PARP4: variants seen among roughly 807,000 people sequenced by gnomAD.
The protein encoded by PARP4 is poly(ADP-ribose) polymerase family member 4.
Under a neutral mutation model 187.7 loss-of-function variants are expected in PARP4, and 120 were observed. The observed-to-expected ratio is 0.64, with a 90% confidence interval of 0.55 to 0.74. The LOEUF (loss-of-function observed/expected upper bound fraction) is 0.74. PARP4 is among the 30% of genes least tolerant of loss of function. The pLI, the probability that PARP4 is intolerant of heterozygous loss-of-function variation, is 0.00. For missense variants in PARP4, 1,836 were observed against 2,070.5 expected (o/e 0.89, Z 2.20); for synonymous variants, 654 against 740.9 (o/e 0.88, Z 1.90).
chr13:24,512,483 G>C (rs1870068817), intron 1 of PARP4, among the ~76,000 whole-genome samples: 1 of 152,192 alleles, frequency 6.6e-6, no homozygotes, highest in Non-Finnish European at 1.5e-5. Context: ...CTCGTCACCA[G>C]GGCTGCGCCG....
At chr13:24,478,969 G>A (rs1157923724) in intron 12 of PARP4, among the ~76,000 whole-genome samples, 2 of 152,162 alleles carry the variant, frequency 1.3e-5, no homozygotes, top group African/African-American at 2.4e-5. Context: ...AGCTCAGAAA[G>A]GAATAAGAAC....
In PARP4 at chr13:24,498,149, T is replaced by C; in HGVS notation, c.558A>G (p.Ile186Met). 6.2e-7 allele frequency: 1 copy of C among 1,613,808 alleles called. No individual in the cohort carries two copies. The change falls in exon 6 of 34, where the codon ATA becomes ATG. Residue 186 changes from isoleucine (I) to methionine (M), a missense_variant. By Grantham distance (10) the Ile-to-Met change is conservative (BLOSUM62 1). Coordinates refer to ENST00000381989, the MANE Select transcript of PARP4 (RefSeq NM_006437.4). ...SRDSRDCPFL[I>M]SSHFLLDDGM... ...CATCATCCAGGAGGAAGTGTGAGGA[T>C]ATCAGGAAAGGACAGTCCCTGGAGT... is the stretch of plus-strand genomic sequence containing the variant.
chr13:24,473,524 A>AACCT (rs1184284558), intron 15 of PARP4, among the ~76,000 whole-genome samples: 1 of 152,240 alleles, frequency 6.6e-6, no homozygotes, highest in African/African-American at 2.4e-5. Flanking sequence ...GGTATAGAGA[A>AACCT]GGAAGCAGTT....
chr13:24,475,179 T>G (rs1007940668), intron 15 of PARP4, among the ~76,000 whole-genome samples: 1 of 152,104 alleles, frequency 6.6e-6, no homozygotes, highest in African/African-American at 2.4e-5. Context: ...CTTTCCTTTT[T>G]CTCTTTAGCA....
chr13:24,446,093 C>G (rs1412969385), intron 27 of PARP4, among the ~76,000 whole-genome samples: 1 of 152,220 alleles, frequency 6.6e-6, no homozygotes, highest in Non-Finnish European at 1.5e-5. Flanking sequence ...ATGATCTACT[C>G]TTAGTCCAGT....
intron 25 of PARP4, among the ~76,000 whole-genome samples, chr13:24,449,457 A>G (rs1173466428): frequency 6.6e-6 from 1 of 151,722 alleles, no homozygotes; most frequent in Non-Finnish European, 1.5e-5. Flanking sequence ...TCAGCAAAAC[A>G]TATTTAATAA....
chr13:24,463,825 G>C (rs1002469116), intron 17 of PARP4, among the ~76,000 whole-genome samples: 1 of 152,090 alleles, frequency 6.6e-6, no homozygotes, highest in Non-Finnish European at 1.5e-5. Flanking sequence ...AGAAATAAAG[G>C]TTATTTGAAT....
rs981226610 is a variant in PARP4, at chr13:24,492,666, T to C, written c.880-72A>G. Reference sequence around the variant, plus strand: ...AAATTAAGGAGCATGCACAAAACTATATAAATAATTGTTAGACATGTCAAG... The same window carrying C: ...AAATTAAGGAGCATGCACAAAACTACATAAATAATTGTTAGACATGTCAAG... On this transcript the variant is annotated intron_variant, in intron 8 of 33. Coordinates refer to ENST00000381989, the MANE Select transcript of PARP4 (RefSeq NM_006437.4). 6.5e-6 allele frequency: 8 copies of C among 1,229,138 alleles called. No homozygotes were observed. In the African/African-American group the frequency reaches 9.1e-5, roughly 14 times the overall value. 76.1% of individuals were successfully genotyped at this position (1,229,138 alleles called of 1,614,324 possible). A position where few individuals can be genotyped will look rare whatever the true frequency, so the allele number is the denominator to read the frequency against.
rs1006402358 is a variant in PARP4, at chr13:24,434,781, A to G, written c.4360T>C (p.Tyr1454His). ...DPDPIRGFGS[Y>H]HPSASSPFHF... Reference sequence around the variant, plus strand: ...AAAGGAGAGGAAGCAGAGGGATGATAAGACCCAAAACCTCTGATGGGATCA... The same window carrying G: ...AAAGGAGAGGAAGCAGAGGGATGATGAGACCCAAAACCTCTGATGGGATCA... The change falls in exon 31 of 34, where the codon TAT becomes CAT. Residue 1454 changes from tyrosine (Y) to histidine (H), a missense_variant. By Grantham distance (83) the Tyr-to-His change is moderately conservative. Around this residue, in one of 8 missense-constraint regions of PARP4, gnomAD observed 450 missense variants for 439.2 expected, o/e 1.02. Transcript: ENST00000381989. The G allele has an allele frequency of 1.1e-5, 17 of 1,612,316 alleles. No individual in the cohort carries two copies. The African/African-American group carries it at 2.0e-4, about 19-fold the overall frequency.
At chr13:24,446,383 A>G (rs1182122948) in intron 27 of PARP4, among the ~76,000 whole-genome samples, 2 of 152,350 alleles carry the variant, frequency 1.3e-5, no homozygotes, top group East Asian at 1.9e-4. Context: ...GGAAAACAAC[A>G]AAGTACAGAC....
chr13:24,488,396 C>T (rs879620376), intron 10 of PARP4, among the ~76,000 whole-genome samples: 2 of 152,284 alleles, frequency 1.3e-5, no homozygotes, highest in East Asian at 1.9e-4. Context: ...TTCTGTCTCC[C>T]AGGCTGGAGT....
At chr13:24,478,010 T>G in intron 13 of PARP4, 83 bp downstream of exon 13, 1 of 1,146,002 alleles carries the variant, frequency 8.7e-7, no homozygotes, top group East Asian at 2.5e-5. Flanking sequence ...CTTAAGCATA[T>G]TTAATGAAAA....
At chr13:24,439,519 C>T (rs1338126771) in intron 30 of PARP4, among the ~76,000 whole-genome samples, 1 of 151,832 alleles carries the variant, frequency 6.6e-6, no homozygotes, top group African/African-American at 2.4e-5. Flanking sequence ...AGTGTAGGGG[C>T]GTATCTCTTA....
chr13:24,421,700 C>T lies in PARP4; in HGVS notation c.4980-386G>A, dbSNP rs569562378. 4.6e-5 allele frequency among the ~76,000 whole-genome samples: 7 copies of T among 152,414 alleles called. No homozygotes were observed. The East Asian group carries it at 1.3e-3, about 29-fold the overall frequency. On this transcript the variant is annotated intron_variant, in intron 33 of 33. Coordinates refer to ENST00000381989, the MANE Select transcript of PARP4 (RefSeq NM_006437.4). Reference sequence around the variant, plus strand: ...ACAAATGAGGCTTCTGTTTCTCTCTCCTTCCCACTGTACTGACTTGATTAG... The same window carrying T: ...ACAAATGAGGCTTCTGTTTCTCTCTTCTTCCCACTGTACTGACTTGATTAG...
chr13:24,421,417 A>C, intron 33 of PARP4, 103 bp from the exon 34 acceptor site: 1 of 616,540 alleles, frequency 1.6e-6, no homozygotes, highest in Non-Finnish European at 2.8e-6. Flanking sequence ...TCTGCCAAAA[A>C]TTAAGATATT....
chr13:24,494,740 T>C lies in PARP4; in HGVS notation c.592-18A>G, dbSNP rs374528879. 3.8e-5 allele frequency: 59 copies of C among 1,565,074 alleles called. No individual in the cohort carries two copies. The highest frequency in any genetic ancestry group is 4.5e-5 in the Non-Finnish European group (52 of 1,147,624). On this transcript the variant is annotated intron_variant, in intron 6 of 33. Transcript: ENST00000381989. Reference sequence around the variant, plus strand: ...CTTCTAGTCTGTGAATTATGGTGTATAGCAAAAGTACAGTCATTATTTACA... The same window carrying C: ...CTTCTAGTCTGTGAATTATGGTGTACAGCAAAAGTACAGTCATTATTTACA...
intron 33 of PARP4, among the ~76,000 whole-genome samples, chr13:24,426,111 C>T (rs1028178756): frequency 2.0e-5 from 3 of 152,126 alleles, no homozygotes; most frequent in Non-Finnish European, 2.9e-5. Flanking sequence ...TGTCCCAGGC[C>T]CTGCCATTGT....
At chr13:24,474,512 C>T (rs1593628271) in intron 15 of PARP4, among the ~76,000 whole-genome samples, 3 of 151,118 alleles carry the variant, frequency 2.0e-5, no homozygotes, top group East Asian at 2.0e-4. Context: ...AAAGCCCGGC[C>T]CCCTTGCCTT....
chr13:24,456,725 C>G (rs917743044), intron 20 of PARP4, among the ~76,000 whole-genome samples: 2 of 151,992 alleles, frequency 1.3e-5, no homozygotes, highest in Non-Finnish European at 2.9e-5. Context: ...ATGGTGAAAC[C>G]CTGTCTCTAC....
Sources: gnomAD v4.1 joint callset for allele counts (sites outside exome capture counted in the v4.1 genomes callset) on GRCh38, gnomAD v4.1.1 for gene constraint, gnomAD v4.1.1 regional missense constraint, MANE v1.5 for transcripts, NCBI Gene and HGNC (gene_info 2026-07-23, HGNC 2026-07-21) for gene names.